TRIP11: variants seen among roughly 807,000 people sequenced by gnomAD.
TRIP11 encodes thyroid receptor-interacting protein 11.
A neutral mutation model predicts 223.1 loss-of-function variants in TRIP11; 148 were observed. The observed-to-expected ratio is 0.66, with a 90% CI of 0.58 to 0.76. The LOEUF (loss-of-function observed/expected upper bound fraction) is 0.76. TRIP11 is among the 30% of genes least tolerant of loss of function. The pLI is 0.00. For missense variants in TRIP11, 2,043 were observed against 2,222.0 expected (o/e 0.92, Z 1.62); for synonymous variants, 762 against 772.6 (o/e 0.99, Z 0.23).
chr14:92,025,240 T>C (rs2057166436), intron 3 of TRIP11, 70 bp downstream of exon 3: 1 of 1,205,890 alleles, frequency 8.3e-7, no homozygotes, highest in Non-Finnish European at 1.2e-6. Context: ...TCGATTTATA[T>C]TCTAACTCTA....
rs2056349107 is a variant in TRIP11 at position 91,967,135 on chromosome 14, C to CTTTTGTTTTTTTTTTTTTTT, written c.*2537_*2538insAAAAAAAAAAAAAAACAAAA. 1 of 85,354 alleles carries CTTTTGTTTTTTTTTTTTTTT rather than the reference C, an allele frequency of 1.2e-5. No homozygotes were observed. Among genetic ancestry groups the CTTTTGTTTTTTTTTTTTTTT allele is most frequent in the Non-Finnish European group, 2.1e-5 (1 of 47,996 alleles). The allele number at this position is 85,354 out of a possible 1,614,324, so 5.3% of individuals were successfully genotyped here. A position where few individuals can be genotyped will look rare whatever the true frequency, so the allele number is the denominator to read the frequency against. ...ACAATGAAAACATTAGGTACTATAGCTTTTTTTTTTTTTTTTTTTTTTTTG... is the reference window on the plus strand; with the variant it reads ...ACAATGAAAACATTAGGTACTATAGCTTTTGTTTTTTTTTTTTTTTTTTTTTTTTTTTTTTTTTTTTTTTG... On this transcript the variant is annotated 3_prime_UTR_variant, in exon 21 of 21. Transcript: ENST00000267622.
Position 92,006,119 on chromosome 14 carries a change from C to T in TRIP11, c.1857G>A (p.Glu619=). ...TTAACTCATTCCTTATTCTAGAAAGCTCCTCCTCATTTTGTCTAATATGCT... is the reference window on the plus strand; with the variant it reads ...TTAACTCATTCCTTATTCTAGAAAGTTCCTCCTCATTTTGTCTAATATGCT... ...LKEHIRQNEE[E]LSRIRNELMQ... Residue 619 remains glutamate, a synonymous_variant, in exon 11 of 21, where the codon GAG becomes GAA. Coordinates refer to ENST00000267622, the MANE Select transcript of TRIP11 (RefSeq NM_004239.4). 2 of 1,607,920 alleles carry T rather than the reference C, an allele frequency of 1.2e-6. No individual in the cohort carries two copies. Among genetic ancestry groups the T allele is most frequent in the South Asian group, 1.1e-5 (1 of 88,860 alleles).
intron 13 of TRIP11, 104 bp from the exon 14 acceptor site, chr14:91,995,619 C>CTTT: frequency 1.3e-5 from 12 of 913,348 alleles, no homozygotes; most frequent in Admixed American, 2.9e-5. Context: ...TATTTTATTT[C>CTTT]TTTTTTTTTT....
At chr14:92,030,190 C>A (rs1310565340) in intron 2 of TRIP11, among the ~76,000 whole-genome samples, 1 of 105,462 alleles carries the variant, frequency 9.5e-6, no homozygotes, top group Non-Finnish European at 1.7e-5. Context: ...GGCGACAGAG[C>A]GAGACTCCGT....
intron 2 of TRIP11, among the ~76,000 whole-genome samples, chr14:92,030,025 G>A (rs908490793): frequency 1.3e-5 from 2 of 151,758 alleles, no homozygotes; most frequent in South Asian, 2.1e-4. Context: ...GTGAAACCCC[G>A]TCTCTACTAA....
chr14:91,970,283 G>T (rs1164166907), intron 20 of TRIP11, among the ~76,000 whole-genome samples: 1 of 151,914 alleles, frequency 6.6e-6, no homozygotes, highest in Non-Finnish European at 1.5e-5. Context: ...CATGGTGGCG[G>T]GCGCCTGTAA....
chr14:92,003,523 T>C lies in TRIP11; in HGVS notation c.4453A>G (p.Thr1485Ala), dbSNP rs1482757209. 3 of 1,614,046 alleles carry C rather than the reference T, an allele frequency of 1.9e-6. No individual in the cohort carries two copies. The African/African-American group carries it at 4.0e-5, about 22-fold the overall frequency. Residue 1485 changes from threonine (T) to alanine (A), a missense_variant, in exon 11 of 21, where the codon ACT (threonine) becomes GCT (alanine). Coordinates refer to ENST00000267622, the MANE Select transcript of TRIP11 (RefSeq NM_004239.4). The part of the protein sequence containing the change: ...KETEYQALQE[T>A]NMKFSMMLRE... The stretch of plus-strand genomic sequence containing the variant: ...AGCATCATAGAAAACTTCATGTTAG[T>C]CTCTTGTAACGCTTGATATTCTGTT...
chr14:91,975,854 T>C (rs1381387751), intron 17 of TRIP11, among the ~76,000 whole-genome samples: 1 of 152,164 alleles, frequency 6.6e-6, no homozygotes, highest in East Asian at 1.9e-4. Flanking sequence ...TACTTCTTAC[T>C]GAGGTGATAT....
At chr14:92,022,561 T>C (rs1361538510) in intron 3 of TRIP11, among the ~76,000 whole-genome samples, 7 of 152,178 alleles carry the variant, frequency 4.6e-5, no homozygotes, top group Middle Eastern at 3.2e-3. Context: ...GGGTAAGTCA[T>C]AGCGCAAAAG....
intron 15 of TRIP11, among the ~76,000 whole-genome samples, chr14:91,991,266 GC>G (rs563135691): frequency 5.1e-4 from 78 of 152,234 alleles, no homozygotes; most frequent in African/African-American, 1.8e-3. Context: ...CCCTCTCTTT[GC>G]CACAGGATGA....
At chr14:91,977,664 C>A (rs558619915) in intron 16 of TRIP11, among the ~76,000 whole-genome samples, 215 of 82,918 alleles carry the variant, frequency 2.6e-3, no homozygotes, top group Admixed American at 4.6e-3. Flanking sequence ...ACTGCCCTCA[C>A]CTTTCATGTC....
chr14:91,996,868 G>T (rs1415232820), intron 13 of TRIP11, among the ~76,000 whole-genome samples: 1 of 152,154 alleles, frequency 6.6e-6, no homozygotes, highest in African/African-American at 2.4e-5. Flanking sequence ...CTAAGAGGTA[G>T]ATATAGATAA....
Position 92,004,240 on chromosome 14 carries a change from G to A in TRIP11, c.3736C>T (p.Leu1246Phe), listed in dbSNP as rs2056867587. 2 of 1,614,160 alleles carry A rather than the reference G, an allele frequency of 1.2e-6. No individual in the cohort carries two copies. The highest frequency in any genetic ancestry group is 1.7e-6 in the Non-Finnish European group (2 of 1,180,028). Residue 1246 changes from leucine (L) to phenylalanine (F), a missense_variant, in exon 11 of 21, where the codon CTT (leucine) becomes TTT (phenylalanine). Leu to Phe is a conservative substitution (Grantham distance 22, BLOSUM62 0). Coordinates refer to ENST00000267622, the MANE Select transcript of TRIP11 (RefSeq NM_004239.4). Reference sequence around the variant, plus strand: ...AAAACCTGTGCTTGAAGTTGGTGAAGCTCTTCCTGAAGCTGGGCTGACTCG... The same window carrying A: ...AAAACCTGTGCTTGAAGTTGGTGAAACTCTTCCTGAAGCTGGGCTGACTCG... Reference protein sequence around the residue: ...QHESAQLQEELHQLQAQVLVD... With the variant: ...QHESAQLQEEFHQLQAQVLVD...
intron 1 of TRIP11, among the ~76,000 whole-genome samples, chr14:92,035,898 A>G (rs1213934073): frequency 2.0e-5 from 3 of 152,166 alleles, no homozygotes; most frequent in Non-Finnish European, 2.9e-5. Flanking sequence ...AGAAAAACTC[A>G]TAACATTTTA....
chr14:92,013,278 C>CA (rs1045017782), intron 7 of TRIP11, among the ~76,000 whole-genome samples: 10 of 150,468 alleles, frequency 6.6e-5, no homozygotes, highest in Admixed American at 1.3e-4. Context: ...AAAAAACAAA[C>CA]AAAAAAAAAG....
chr14:92,034,745 G>A (rs1272354563), intron 1 of TRIP11, among the ~76,000 whole-genome samples: 4 of 152,064 alleles, frequency 2.6e-5, no homozygotes, highest in East Asian at 3.9e-4. Context: ...AAACTCTCTC[G>A]CTTCAGCCTT....
intron 15 of TRIP11, among the ~76,000 whole-genome samples, chr14:91,991,718 C>T (rs1028753287): frequency 1.3e-5 from 2 of 152,070 alleles, no homozygotes; most frequent in Non-Finnish European, 2.9e-5. Flanking sequence ...GTGAAAATAA[C>T]AAATCGCCTA....
chr14:92,026,899 G>A (rs1401998118), intron 2 of TRIP11: 26 of 1,494,252 alleles, frequency 1.7e-5, no homozygotes, highest in Non-Finnish European at 2.4e-5. Context: ...CAGCAAAAAA[G>A]GAAAAGTTAA....
intron 19 of TRIP11, 83 bp from the exon 20 acceptor site, chr14:91,972,944 A>G: frequency 8.6e-7 from 1 of 1,157,444 alleles, no homozygotes; most frequent in South Asian, 1.5e-5. Context: ...AGCTTTTCTA[A>G]TTAAATATTA....
Sources: gnomAD v4.1 joint callset for allele counts (sites outside exome capture counted in the v4.1 genomes callset) on GRCh38, gnomAD v4.1.1 for gene constraint, MANE v1.5 for transcripts, NCBI Gene and HGNC (gene_info 2026-07-23, HGNC 2026-07-21) for gene names.